Variants in PDE10A observed in about 807,000 individuals in gnomAD.
PDE10A encodes the protein cAMP and cAMP-inhibited cGMP 3',5'-cyclic phosphodiesterase 10A.
In PDE10A, 39 loss-of-function variants were observed where a neutral mutation model predicts 97.7. The ratio of observed to expected loss-of-function variants is 0.40; its 90% CI spans 0.31 to 0.52. The LOEUF (loss-of-function observed/expected upper bound fraction) is 0.52, where lower values mean the gene tolerates loss of function less well. Ranked by LOEUF, PDE10A falls within the 20% of genes least tolerant of loss-of-function variation. The pLI is 0.56. For missense variants in PDE10A, 731 were observed against 1,047.8 expected, an observed-to-expected ratio of 0.70 and a Z score of 4.17; for synonymous variants, 371 against 376.8, an observed-to-expected ratio of 0.98 and a Z score of 0.18.
intron 3 of PDE10A, among the ~76,000 whole-genome samples, chr6:165,465,513 T>C (rs1583337190): frequency 1.3e-5 from 2 of 152,154 alleles, no homozygotes; most frequent in East Asian, 3.9e-4. Context: ...CAAGGCACTG[T>C]ATTAGTTCCT....
intron 1 of PDE10A, among the ~76,000 whole-genome samples, chr6:165,935,771 G>A (rs781283991): frequency 3.9e-5 from 6 of 152,190 alleles, no homozygotes; most frequent in Non-Finnish European, 7.3e-5. Context: ...GATTTTGGAA[G>A]TGGGTCCTGA....
At chr6:165,637,147 A>T (rs1172568597) in intron 1 of PDE10A, among the ~76,000 whole-genome samples, 1 of 152,218 alleles carries the variant, frequency 6.6e-6, no homozygotes, top group African/African-American at 2.4e-5. Context: ...TAGTTATGCA[A>T]TAAACTTCTC....
intron 1 of PDE10A, among the ~76,000 whole-genome samples, chr6:165,786,823 A>C (rs1249388300): frequency 2.6e-5 from 4 of 152,204 alleles, no homozygotes; most frequent in Admixed American, 2.6e-4. Flanking sequence ...ACATTTATAG[A>C]TATCTTTCCT....
intron 1 of PDE10A, among the ~76,000 whole-genome samples, chr6:165,608,907 C>T (rs1374778618): frequency 1.3e-5 from 2 of 152,184 alleles, no homozygotes; most frequent in Non-Finnish European, 2.9e-5. Flanking sequence ...GCATAAATGT[C>T]TTCTTTTGAG....
chr6:165,589,854 A>C (rs186152126), intron 1 of PDE10A, among the ~76,000 whole-genome samples: 44 of 152,310 alleles, frequency 2.9e-4, no homozygotes, highest in African/African-American at 1.1e-3. Flanking sequence ...AAGTCTAACC[A>C]ATCAGCCACT....
At chr6:165,393,857 G>A (rs1785917597) in intron 15 of PDE10A, among the ~76,000 whole-genome samples, 1 of 152,122 alleles carries the variant, frequency 6.6e-6, no homozygotes, top group Non-Finnish European at 1.5e-5. Flanking sequence ...CACTGAAAAG[G>A]ATCAGTTATA....
chr6:165,486,047 T>A (rs574279016), intron 2 of PDE10A, among the ~76,000 whole-genome samples: 3 of 152,290 alleles, frequency 2.0e-5, no homozygotes, highest in Admixed American at 6.5e-5. Flanking sequence ...CTCTTTCGGC[T>A]AGCAACGTAA....
At chr6:165,887,174 T>C (rs535660353) in intron 1 of PDE10A, among the ~76,000 whole-genome samples, 1 of 152,334 alleles carries the variant, frequency 6.6e-6, no homozygotes, top group South Asian at 2.1e-4. Context: ...ATGAACCTTC[T>C]TCTCCCACCA....
intron 1 of PDE10A, among the ~76,000 whole-genome samples, chr6:165,615,859 C>T (rs1217359827): frequency 1.3e-5 from 2 of 152,164 alleles, no homozygotes; most frequent in Non-Finnish European, 2.9e-5. Flanking sequence ...ATGATCTAAC[C>T]TCATGTTCTG....
chr6:165,839,423 A>G (rs1780153641), intron 1 of PDE10A, among the ~76,000 whole-genome samples: 2 of 152,372 alleles, frequency 1.3e-5, no homozygotes, highest in East Asian at 1.9e-4. Context: ...AGAAACTTAC[A>G]TTAAAATGTA....
Position 165,480,587 on chromosome 6 carries a change from TA to T in PDE10A, c.1023+1727del, listed in dbSNP as rs1012673241. 3.3e-3 allele frequency among the ~76,000 whole-genome samples: 475 copies of T among 143,778 alleles called. 1 individual carries two copies. Among genetic ancestry groups the T allele is most frequent in the African/African-American group, 9.0e-3 (354 of 39,296 alleles). The allele number at this position is 143,778 out of a possible 152,430, so 94.3% of individuals were successfully genotyped here. ...TGATGAACTGAGGCTTTGCCTCAAT[TA>T]AAAAAAAAAAGTATATGAGAAAGAG... On this transcript the variant is annotated intron_variant, in intron 3 of 21. Transcript: ENST00000539869.
intron 18 of PDE10A, among the ~76,000 whole-genome samples, chr6:165,362,081 T>C (rs1783461919): frequency 2.6e-5 from 4 of 152,122 alleles, no homozygotes; most frequent in Admixed American, 2.6e-4. Context: ...AATGTCTATA[T>C]TAAGAAAGAA....
At chr6:165,375,960 T>C (rs1019369186) in intron 18 of PDE10A, among the ~76,000 whole-genome samples, 4 of 152,228 alleles carry the variant, frequency 2.6e-5, no homozygotes, top group African/African-American at 9.6e-5. Context: ...TTACTGCTCA[T>C]TGACAATGAA....
intron 10 of PDE10A, among the ~76,000 whole-genome samples, chr6:165,426,018 C>A (rs536470516): frequency 3.3e-5 from 5 of 151,444 alleles, no homozygotes; most frequent in Non-Finnish European, 7.4e-5. Context: ...TCAAAAAACA[C>A]AAAACACCAT....
intron 18 of PDE10A, among the ~76,000 whole-genome samples, chr6:165,374,374 GT>G (rs1319447909): frequency 6.6e-6 from 1 of 151,864 alleles, no homozygotes; most frequent in Non-Finnish European, 1.5e-5. Context: ...ATCTGAATAA[GT>G]TTTTTGAAAA....
chr6:165,839,064 A>G (rs768394949), intron 1 of PDE10A, among the ~76,000 whole-genome samples: 2 of 152,206 alleles, frequency 1.3e-5, no homozygotes, highest in Non-Finnish European at 2.9e-5. Context: ...GTTTGATAGG[A>G]CTAGTTCAAT....
intron 1 of PDE10A, among the ~76,000 whole-genome samples, chr6:165,601,352 C>T (rs2128395290): frequency 6.6e-6 from 1 of 152,266 alleles, no homozygotes. Context: ...GTATTTTTTT[C>T]TCTAGCTACC....
intron 1 of PDE10A, among the ~76,000 whole-genome samples, chr6:165,551,863 T>C (rs544363424): frequency 6.6e-6 from 1 of 152,314 alleles, no homozygotes; most frequent in East Asian, 1.9e-4. Flanking sequence ...GACCCAAGAC[T>C]AATCGGAAAA....
At chr6:165,526,895 T>A (rs772719722) in intron 2 of PDE10A, among the ~76,000 whole-genome samples, 9 of 152,234 alleles carry the variant, frequency 5.9e-5, no homozygotes, top group Non-Finnish European at 1.3e-4. Flanking sequence ...TCCGGCTTTG[T>A]GTCACAATCT....
Sources: allele counts gnomAD v4.1 joint callset (sites outside exome capture counted in the v4.1 genomes callset), GRCh38; gene constraint gnomAD v4.1.1; transcripts MANE v1.5; gene names NCBI Gene and HGNC (gene_info 2026-07-23, HGNC 2026-07-21).